The following RPL21 variants were observed in gnomAD, a reference collection of about 807,000 sequenced individuals.
The protein encoded by RPL21 is large ribosomal subunit protein eL21.
A neutral mutation model predicts 21.2 loss-of-function variants in RPL21; 1 was observed. The ratio of observed to expected loss-of-function variants is 0.05; its 90% CI spans 0.02 to 0.22. The LOEUF is 0.22. Ranked by LOEUF, RPL21 falls within the 10% of genes least tolerant of loss-of-function variation. The pLI, the probability that RPL21 is intolerant of heterozygous loss-of-function variation, is 1.00. For missense variants in RPL21, 113 were observed against 199.4 expected, an observed-to-expected ratio of 0.57 and a Z score of 2.61; for synonymous variants, 52 against 62.9, an observed-to-expected ratio of 0.83 and a Z score of 0.82.
chr13:27,254,999 TA>T, intron 3 of RPL21: 2 of 679,226 alleles, frequency 2.9e-6, no homozygotes, highest in South Asian at 1.5e-5. Context: ...TTACTATGAT[TA>T]AAAACCCTCC....
At chr13:27,251,739 CGG>C (rs997194638) in intron 1 of RPL21, 154 bp downstream of exon 1, 1 of 152,372 alleles carries the variant, frequency 6.6e-6, no homozygotes, top group African/African-American at 2.4e-5. Flanking sequence ...TTCTGCCAGA[CGG>C]GGAGCAGCGT....
intron 3 of RPL21, chr13:27,254,594 A>G (rs893649097): frequency 1.7e-5 from 6 of 347,118 alleles, no homozygotes; most frequent in East Asian, 6.8e-5. Context: ...TGGTTTCTCC[A>G]TGTTGGTCAG....
At chr13:27,252,114 C>G (rs1295035578) in intron 1 of RPL21, among the ~76,000 whole-genome samples, 2 of 152,152 alleles carry the variant, frequency 1.3e-5, no homozygotes, top group African/African-American at 4.8e-5. Flanking sequence ...CCCGGGCTCT[C>G]GGTCGGAGAG....
At chr13:27,253,351 A>G (rs1881738298) in intron 1 of RPL21, among the ~76,000 whole-genome samples, 1 of 152,228 alleles carries the variant, frequency 6.6e-6, no homozygotes, top group Admixed American at 6.5e-5. Context: ...GTTGACAAGA[A>G]AGGTTTAATT....
At chr13:27,252,697 T>C (rs553282157) in intron 1 of RPL21, among the ~76,000 whole-genome samples, 2 of 152,316 alleles carry the variant, frequency 1.3e-5, no homozygotes, top group South Asian at 4.1e-4. Flanking sequence ...TGGAACAGAG[T>C]ACCTGGCATT....
At chr13:27,253,977 A>C in intron 2 of RPL21, 134 bp downstream of exon 2, 2 of 717,090 alleles carry the variant, frequency 2.8e-6, no homozygotes, top group Non-Finnish European at 2.5e-6. Context: ...ATTTCGTGAT[A>C]AGGTAAATAA....
At position 27,251,574 on chromosome 13, in the gene RPL21, G is replaced by A. The variant is rs1881646441; in HGVS notation, c.-24G>A. The A allele has an allele frequency of 6.6e-6, 1 of 152,480 alleles. No homozygotes were observed. Among genetic ancestry groups the A allele is most frequent in the Non-Finnish European group, 1.5e-5 (1 of 68,146 alleles). The allele number at this position is 152,480 out of a possible 1,614,324, so 9.4% of individuals were successfully genotyped here. The stretch of plus-strand genomic sequence containing the variant: ...CGCCTCTTTCCTTTCGGCCGGAACC[G>A]CCATCTTCCAGGTAGGGCCTACGCG... On this transcript the variant is annotated 5_prime_UTR_variant, in exon 1 of 6. Coordinates refer to ENST00000311549, the MANE Select transcript of RPL21 (RefSeq NM_000982.4).
rs1028251621 is a variant in RPL21 at position 27,253,743 on chromosome 13, CTG to C, written c.-12-20_-12-19del. The C allele has an allele frequency of 6.4e-6, 9 of 1,395,636 alleles. No homozygotes were observed. Among genetic ancestry groups the C allele is most frequent in the Non-Finnish European group, 8.2e-6 (8 of 981,322 alleles). 86.5% of individuals were successfully genotyped at this position (1,395,636 alleles called of 1,614,324 possible). ...AATGCCAGTTTTCAGTCGTATTTGACTGTTCTGCTTTCTGGTTTCAGTAATTC... is the reference window on the plus strand; with the variant it reads ...AATGCCAGTTTTCAGTCGTATTTGACTTCTGCTTTCTGGTTTCAGTAATTC... On this transcript the variant is annotated intron_variant, in intron 1 of 5. Transcript: ENST00000311549.
intron 1 of RPL21, 134 bp from the exon 2 acceptor site, chr13:27,253,631 C>G (rs1311286416): frequency 8.8e-6 from 6 of 679,056 alleles, no homozygotes; most frequent in East Asian, 8.3e-5. Flanking sequence ...TTCAACAGAA[C>G]TAACTGCTTG....
At chr13:27,253,923 G>C (rs1413794935) in intron 2 of RPL21, 80 bp downstream of exon 2, 7 of 862,968 alleles carry the variant, frequency 8.1e-6, no homozygotes, top group Non-Finnish European at 1.4e-5. Flanking sequence ...GTAGTTCATA[G>C]AATGTGTATC....
intron 1 of RPL21, among the ~76,000 whole-genome samples, chr13:27,252,509 C>T (rs1203276222): frequency 6.6e-6 from 1 of 151,998 alleles, no homozygotes; most frequent in African/African-American, 2.4e-5. Flanking sequence ...AAAATGGATT[C>T]CAAACTCAGA....
intron 3 of RPL21, chr13:27,254,924 T>A: frequency 2.2e-6 from 1 of 446,886 alleles, no homozygotes. Flanking sequence ...GGTGGGAAAT[T>A]ATGAGTTTAT....
At chr13:27,252,400 T>C (rs1881695089) in intron 1 of RPL21, among the ~76,000 whole-genome samples, 1 of 152,200 alleles carries the variant, frequency 6.6e-6, no homozygotes, top group Admixed American at 6.5e-5. Context: ...GGTTGCTCTT[T>C]ATGGTGGATC....
chr13:27,254,872 T>C (rs911424102), intron 3 of RPL21: 1 of 378,988 alleles, frequency 2.6e-6, no homozygotes, highest in South Asian at 2.1e-5. Flanking sequence ...ATTTTCCTCA[T>C]TACCCGCTTG....
At chr13:27,252,262 T>C (rs1374602961) in intron 1 of RPL21, among the ~76,000 whole-genome samples, 1 of 152,172 alleles carries the variant, frequency 6.6e-6, no homozygotes, top group Non-Finnish European at 1.5e-5. Flanking sequence ...GCAACACCAA[T>C]ATTTGCACCA....
intron 1 of RPL21, among the ~76,000 whole-genome samples, chr13:27,252,288 T>C (rs763536963): frequency 6.6e-6 from 1 of 152,220 alleles, no homozygotes; most frequent in Non-Finnish European, 1.5e-5. Context: ...AGATACTGTT[T>C]TGCGAATTCT....
intron 1 of RPL21, among the ~76,000 whole-genome samples, chr13:27,252,517 A>G (rs1443177592): frequency 2.0e-5 from 3 of 152,214 alleles, no homozygotes; most frequent in Non-Finnish European, 4.4e-5. Context: ...TTCCAAACTC[A>G]GAAAGATGGA....
intron 1 of RPL21, among the ~76,000 whole-genome samples, chr13:27,253,286 A>C (rs1185318983): frequency 6.6e-6 from 1 of 152,222 alleles, no homozygotes; most frequent in African/African-American, 2.4e-5. Context: ...AAGTGGCTTG[A>C]GATTTCTGAT....
Position 27,255,343 on chromosome 13 carries a change from C to G in RPL21, c.231C>G (p.Asn77Lys). The G allele has an allele frequency of 7.6e-7, 1 of 1,321,164 alleles. No homozygotes were observed. The highest frequency in any genetic ancestry group is 1.1e-6 in the Non-Finnish European group (1 of 912,656). The allele number at this position is 1,321,164 out of a possible 1,614,324, so 81.8% of individuals were successfully genotyped here. A position where few individuals can be genotyped will look rare whatever the true frequency, so the allele number is the denominator to read the frequency against. ...AGCATGCTGTTGGCATTGTTGTAAACAAACAAGTTAAGTAAGTAGTGTTGT... is the reference window on the plus strand; with the variant it reads ...AGCATGCTGTTGGCATTGTTGTAAAGAAACAAGTTAAGTAAGTAGTGTTGT... ...VTQHAVGIVVNKQVKGKILAK... is the reference protein window; with the variant it reads ...VTQHAVGIVVKKQVKGKILAK... The change falls in exon 4 of 6, where the codon AAC becomes AAG. Residue 77 changes from asparagine (N) to lysine (K), a missense_variant. Coordinates refer to ENST00000311549, the MANE Select transcript of RPL21 (RefSeq NM_000982.4).
Sources: gnomAD v4.1 joint callset for allele counts (sites outside exome capture counted in the v4.1 genomes callset) on GRCh38, gnomAD v4.1.1 for gene constraint, MANE v1.5 for transcripts, NCBI Gene and HGNC (gene_info 2026-07-23, HGNC 2026-07-21) for gene names.